PTPN13: variants seen among roughly 807,000 people sequenced by gnomAD.
PTPN13 encodes the protein tyrosine-protein phosphatase non-receptor type 13.
In PTPN13, 191 loss-of-function variants were observed where a neutral mutation model predicts 284.0. The ratio of observed to expected loss-of-function variants is 0.67; its 90% CI spans 0.60 to 0.76. The LOEUF is 0.76. Among genes scored for constraint, PTPN13 ranks in the 30% least tolerant of loss-of-function variants. PTPN13 has a pLI of 0.00. For synonymous variants in PTPN13, 986 were observed against 1,022.3 expected (o/e 0.96, Z 0.68); for missense variants, 2,797 against 2,939.9 (o/e 0.95, Z 1.12).
chr4:86,747,815 G>A (rs1399907964), intron 17 of PTPN13, among the ~76,000 whole-genome samples: 1 of 152,156 alleles, frequency 6.6e-6, no homozygotes, highest in Non-Finnish European at 1.5e-5. Flanking sequence ...CTGTTTATTT[G>A]TACTACAAGT....
chr4:86,730,211 AG>A, intron 10 of PTPN13, among the ~76,000 whole-genome samples: 1 of 149,644 alleles, frequency 6.7e-6, no homozygotes, highest in South Asian at 2.1e-4. Flanking sequence ...TTTATCCCAG[AG>A]GGGCACCCAA....
At chr4:86,653,057 T>C (rs1193942196) in intron 2 of PTPN13, among the ~76,000 whole-genome samples, 1 of 152,074 alleles carries the variant, frequency 6.6e-6, no homozygotes, top group East Asian at 1.9e-4. Context: ...CAGTTTGTCA[T>C]TTGAATTTTT....
chr4:86,601,905 A>T (rs987534373), intron 1 of PTPN13, among the ~76,000 whole-genome samples: 1 of 152,046 alleles, frequency 6.6e-6, no homozygotes, highest in African/African-American at 2.4e-5. Flanking sequence ...TTTGCCAGAC[A>T]CTCTACTAGG....
In PTPN13 at chr4:86,717,034, T is replaced by C; in HGVS notation, c.1302T>C (p.Ser434=). Residue 434 remains serine, a synonymous_variant, in exon 9 of 48, where the codon AGT becomes AGC. Transcript: ENST00000411767. ...SESDFRQVRR[S]EASKRFESSS... ...TTCATTCATAATTAGTGAGAAGAAG[T>C]GAAGCCTCAAAGAGGTTTGAATCCA... is the stretch of plus-strand genomic sequence containing the variant. 1 of 1,611,596 alleles carries C rather than the reference T, an allele frequency of 6.2e-7. No homozygotes were observed. Among genetic ancestry groups the C allele is most frequent in the Non-Finnish European group, 8.5e-7 (1 of 1,178,412 alleles).
Position 86,750,586 on chromosome 4 carries a change from C to G in PTPN13, c.2767C>G (p.Arg923Gly), listed in dbSNP as rs975997840. ...CAGCACCCTCAACAAACTTGCTGTTCGACCTTTATCAGTTCAAGCTGAGAT... is the reference window on the plus strand; with the variant it reads ...CAGCACCCTCAACAAACTTGCTGTTGGACCTTTATCAGTTCAAGCTGAGAT... ...ASSTLNKLAV[R>G]PLSVQAEILK... The change falls in exon 18 of 48, where the codon CGA (arginine) becomes GGA (glycine). Residue 923 changes from arginine (R) to glycine (G), a missense_variant. Physicochemically the swap from Arg to Gly is moderately radical, Grantham distance 125. Coordinates refer to ENST00000411767, the MANE Select transcript of PTPN13 (RefSeq NM_080683.3). The G allele has an allele frequency of 1.9e-6, 3 of 1,613,908 alleles. No individual in the cohort carries two copies. The highest frequency in any genetic ancestry group is 3.3e-5 in the Admixed American group (2 of 60,006).
chr4:86,676,770 A>G (rs1228829272), intron 3 of PTPN13, among the ~76,000 whole-genome samples: 1 of 152,234 alleles, frequency 6.6e-6, no homozygotes, highest in East Asian at 1.9e-4. Flanking sequence ...ACAAAGGACA[A>G]ATACTATGTG....
In PTPN13 at chr4:86,763,126, G is replaced by T. The variant is rs749733308; in HGVS notation, c.3953G>T (p.Arg1318Leu). ...TCTGATGTAACTGATTACTCAGACCGTGGAGATTCAGACATGGATGAAGCC... is the reference window on the plus strand; with the variant it reads ...TCTGATGTAACTGATTACTCAGACCTTGGAGATTCAGACATGGATGAAGCC... ...GISDVTDYSDRGDSDMDEATY... is the reference protein window; with the variant it reads ...GISDVTDYSDLGDSDMDEATY... Residue 1318 changes from arginine to leucine, a missense_variant, in exon 24 of 48, where the codon CGT becomes CTT. Physicochemically the swap from Arg to Leu is moderately radical, Grantham distance 102. Transcript: ENST00000411767. 3 of 1,613,206 alleles carry T rather than the reference G, an allele frequency of 1.9e-6. No homozygotes were observed. The highest frequency in any genetic ancestry group is 2.7e-5 in the African/African-American group (2 of 74,730).
In PTPN13 at chr4:86,775,449, CT is replaced by C. The variant is rs752823646; in HGVS notation, c.5690del (p.Leu1897TyrfsTer32). ...ATTTTCTATTATTTCAAGGTTTTTC[CT>C]TATGTGGAGGTCATGACAGCCTTTA... ...TCNKEELGFS[L>X]CGGHDSLYQV... On this transcript the variant is annotated frameshift_variant, in exon 35 of 48. Coordinates refer to ENST00000411767, the MANE Select transcript of PTPN13 (RefSeq NM_080683.3). LOFTEE classifies it high-confidence loss of function. 6.2e-7 allele frequency: 1 copy of C among 1,604,132 alleles called. No individual in the cohort carries two copies. The highest frequency in any genetic ancestry group is 1.7e-5 in the Admixed American group (1 of 59,862).
At chr4:86,646,494 TGCCATCTTG>T (rs1724442245) in intron 2 of PTPN13, among the ~76,000 whole-genome samples, 1 of 152,150 alleles carries the variant, frequency 6.6e-6, no homozygotes, top group South Asian at 2.1e-4. Context: ...GACGGGATTT[TGCCATCTTG>T]GCCAGGCTGG....
intron 1 of PTPN13, among the ~76,000 whole-genome samples, chr4:86,607,902 T>G (rs546951392): frequency 4.5e-4 from 69 of 152,184 alleles, no homozygotes; most frequent in African/African-American, 1.6e-3. Flanking sequence ...GATAATGAAG[T>G]GCCCTTTTGA....
At chr4:86,705,456 G>A (rs17012009) in intron 7 of PTPN13, among the ~76,000 whole-genome samples, 7,491 of 151,948 alleles carry the variant, frequency 0.049, 253 homozygotes, top group African/African-American at 0.071. Flanking sequence ...TTTAATTCTA[G>A]TGAGAGACAG....
chr4:86,618,094 A>G (rs1420629493), intron 1 of PTPN13, among the ~76,000 whole-genome samples: 1 of 152,016 alleles, frequency 6.6e-6, no homozygotes, highest in African/African-American at 2.4e-5. Context: ...ATCTTGAATT[A>G]ATTTTTGTAT....
chr4:86,705,333 C>CAAAAAAAAAAAAAAAAAAA (rs759784072), intron 7 of PTPN13, among the ~76,000 whole-genome samples: 1 of 95,382 alleles, frequency 1.0e-5, no homozygotes, highest in Non-Finnish European at 2.2e-5. Flanking sequence ...GACTCCGTCT[C>CAAAAAAAAAAAAAAAAAAA]AAAAAAAAAA....
intron 1 of PTPN13, among the ~76,000 whole-genome samples, chr4:86,611,375 C>T (rs1719866949): frequency 6.6e-6 from 1 of 152,114 alleles, no homozygotes; most frequent in Admixed American, 6.5e-5. Flanking sequence ...GAGGGGTGAT[C>T]TCATAACCAT....
chr4:86,712,278 T>A (rs940634918), intron 7 of PTPN13, among the ~76,000 whole-genome samples: 3 of 151,544 alleles, frequency 2.0e-5, no homozygotes. Flanking sequence ...TTACCTCTCT[T>A]CAACAGACCA....
intron 31 of PTPN13, 53 bp from the exon 32 acceptor site, chr4:86,772,725 C>A: frequency 7.1e-7 from 1 of 1,415,670 alleles, no homozygotes; most frequent in South Asian, 1.4e-5. Flanking sequence ...ACAAACTAAC[C>A]ATATTGACAT....
At position 86,763,182 on chromosome 4, in the gene PTPN13, C is replaced by G; in HGVS notation, c.4009C>G (p.Pro1337Ala). The change falls in exon 24 of 48, where the codon CCA (proline) becomes GCA (alanine). Residue 1337 changes from proline to alanine, a missense_variant. By Grantham distance (27) the Pro-to-Ala change is conservative. Transcript: ENST00000411767. The part of the protein sequence containing the change: ...TYSSSQDHQT[P>A]KQESSSSVNT... The stretch of plus-strand genomic sequence containing the variant: ...CTCCAGCAGTCAGGATCATCAAACA[C>G]CAAAACAGGCATAGTTTAATTTTAA... The G allele has an allele frequency of 1.2e-6, 2 of 1,605,780 alleles. No homozygotes were observed. Among genetic ancestry groups the G allele is most frequent in the Non-Finnish European group, 1.7e-6 (2 of 1,176,600 alleles).
chr4:86,651,321 T>C (rs1725048838), intron 2 of PTPN13, among the ~76,000 whole-genome samples: 1 of 152,286 alleles, frequency 6.6e-6, no homozygotes, highest in South Asian at 2.1e-4. Context: ...ATTGCTAGTA[T>C]TTTGTTGAGG....
chr4:86,601,325 A>G (rs1484592159), intron 1 of PTPN13, among the ~76,000 whole-genome samples: 2 of 152,124 alleles, frequency 1.3e-5, no homozygotes, highest in Non-Finnish European at 2.9e-5. Flanking sequence ...ATTGGAGCTT[A>G]AATTCTGGCA....
Sources: gnomAD v4.1 joint callset for allele counts (sites outside exome capture counted in the v4.1 genomes callset) on GRCh38, gnomAD v4.1.1 for gene constraint, MANE v1.5 for transcripts, NCBI Gene and HGNC (gene_info 2026-07-23, HGNC 2026-07-21) for gene names.